The following GOLGA4 variants were observed in gnomAD, a reference collection of about 807,000 sequenced individuals.
GOLGA4 encodes the protein golgin A4.
GOLGA4 carries 169 observed loss-of-function variants against 265.9 expected under a neutral mutation model. The ratio of observed to expected loss-of-function variants is 0.64; its 90% CI spans 0.56 to 0.72. The LOEUF (loss-of-function observed/expected upper bound fraction) is 0.72, where lower values mean the gene tolerates loss of function less well. Ranked by LOEUF, GOLGA4 falls within the 30% of genes least tolerant of loss-of-function variation. The pLI is 0.00. For missense variants in GOLGA4, 2,482 were observed against 2,483.4 expected, an observed-to-expected ratio of 1.00 and a Z score of 0.01; for synonymous variants, 923 against 855.8, an observed-to-expected ratio of 1.08 and a Z score of -1.37.
At chr3:37,314,698 ACTC>A (rs1470730841) in intron 10 of GOLGA4, among the ~76,000 whole-genome samples, 1 of 148,374 alleles carries the variant, frequency 6.7e-6, no homozygotes, top group African/African-American at 2.5e-5. Context: ...AAACCTTACT[ACTC>A]TAGCCAAGAT....
intron 16 of GOLGA4, 47 bp downstream of exon 16, chr3:37,329,140 T>A (rs1380857877): frequency 2.0e-6 from 3 of 1,492,882 alleles, no homozygotes; most frequent in Non-Finnish European, 2.7e-6. Flanking sequence ...TTAGCTGTAA[T>A]AGATTTCATG....
chr3:37,343,383 A>C (rs1452588862), intron 20 of GOLGA4, among the ~76,000 whole-genome samples: 1 of 152,092 alleles, frequency 6.6e-6, no homozygotes, highest in Non-Finnish European at 1.5e-5. Context: ...GGCCTCCCAA[A>C]GTGCTGGGAT....
intron 1 of GOLGA4, among the ~76,000 whole-genome samples, chr3:37,245,685 C>T (rs1258328457): frequency 1.3e-5 from 2 of 152,062 alleles, no homozygotes; most frequent in East Asian, 3.9e-4. Flanking sequence ...TCTGGTGAGA[C>T]AGGGCATCTG....
At chr3:37,338,553 A>G (rs1425440198) in intron 19 of GOLGA4, among the ~76,000 whole-genome samples, 1 of 152,168 alleles carries the variant, frequency 6.6e-6, no homozygotes, top group Non-Finnish European at 1.5e-5. Context: ...CTAGCATAAC[A>G]GTTTTTGTAT....
intron 10 of GOLGA4, among the ~76,000 whole-genome samples, chr3:37,304,828 G>A (rs4452278): frequency 0.37 from 55,572 of 151,652 alleles, 10,733 homozygotes; most frequent in Non-Finnish European, 0.42. Context: ...CAAAACACAG[G>A]TATATTTTGT....
At chr3:37,313,081 T>C (rs1430401157) in intron 10 of GOLGA4, among the ~76,000 whole-genome samples, 1 of 152,090 alleles carries the variant, frequency 6.6e-6, no homozygotes, top group Non-Finnish European at 1.5e-5. Context: ...CGGGCACCTG[T>C]AGTCCCAGCT....
intron 2 of GOLGA4, chr3:37,273,567 A>T: frequency 6.6e-7 from 1 of 1,514,350 alleles, no homozygotes; most frequent in Non-Finnish European, 8.9e-7. Flanking sequence ...AAATCTCCTG[A>T]CAGTGTTAAT....
At chr3:37,292,184 G>T (rs1202738927) in intron 5 of GOLGA4, among the ~76,000 whole-genome samples, 1 of 151,974 alleles carries the variant, frequency 6.6e-6, no homozygotes, top group Non-Finnish European at 1.5e-5. Context: ...TTTTGTTTTG[G>T]TGGGCTGTTA....
chr3:37,290,224 C>T (rs954094107), intron 5 of GOLGA4, among the ~76,000 whole-genome samples: 21 of 152,104 alleles, frequency 1.4e-4, no homozygotes, highest in Middle Eastern at 3.4e-3. Flanking sequence ...AGAAGAAAAA[C>T]AAGGGAGTAT....
intron 2 of GOLGA4, among the ~76,000 whole-genome samples, chr3:37,254,096 T>C (rs534362758): frequency 1.3e-5 from 2 of 152,214 alleles, no homozygotes; most frequent in East Asian, 1.9e-4. Flanking sequence ...CAAACTAATA[T>C]ACTATAATGT....
intron 8 of GOLGA4, 120 bp downstream of exon 8, chr3:37,299,140 T>C: frequency 1.0e-6 from 1 of 973,880 alleles, no homozygotes; most frequent in Admixed American, 2.6e-5. Flanking sequence ...TTGTTTGCCC[T>C]GGCCTACATA....
chr3:37,332,975 C>T (rs1279888121), intron 16 of GOLGA4, among the ~76,000 whole-genome samples: 1 of 152,102 alleles, frequency 6.6e-6, no homozygotes. Flanking sequence ...TGAATCTGTC[C>T]TCTCCCTTAG....
chr3:37,345,841 G>A (rs548846684), intron 20 of GOLGA4, among the ~76,000 whole-genome samples: 1 of 152,030 alleles, frequency 6.6e-6, no homozygotes, highest in East Asian at 1.9e-4. Context: ...CAGCTGCTCG[G>A]TAGGCTGAGG....
chr3:37,287,127 G>C (rs895191527), intron 4 of GOLGA4, among the ~76,000 whole-genome samples: 1 of 152,214 alleles, frequency 6.6e-6, no homozygotes, highest in Non-Finnish European at 1.5e-5. Context: ...GATCACCTGA[G>C]GTCAGGAGTT....
At position 37,243,527 on chromosome 3, in the gene GOLGA4, T is replaced by C. The variant is rs2096708438; in HGVS notation, c.-24T>C. ...CTCGCCCTTCAGGTTTCGTTGACAC[T>C]CAGGACCGTACGTACGCTGCGCCAT... On this transcript the variant is annotated 5_prime_UTR_variant, in exon 1 of 24. Transcript: ENST00000361924. The C allele has an allele frequency of 6.2e-7, 1 of 1,611,818 alleles. No individual in the cohort carries two copies. The highest frequency in any genetic ancestry group is 8.5e-7 in the Non-Finnish European group (1 of 1,177,974).
intron 2 of GOLGA4, 58 bp from the exon 3 acceptor site, chr3:37,281,892 GATGGGGTA>G: frequency 9.6e-7 from 1 of 1,040,528 alleles, no homozygotes; most frequent in Non-Finnish European, 1.4e-6. Flanking sequence ...TATTGCTGGT[GATGGGGTA>G]ATGGAAGTCT....
chr3:37,310,737 T>TG lies in GOLGA4; in HGVS notation c.1235-4683_1235-4682insG, dbSNP rs57192998. ...TTTTAAAGTGTGTGTGTGTGTGTGT[T>TG]TTTTTTTTTAAATAAAAATTGCCTG... On this transcript the variant is annotated intron_variant, in intron 10 of 23. Coordinates refer to ENST00000361924, the MANE Select transcript of GOLGA4 (RefSeq NM_002078.5). 7.3e-3 allele frequency among the ~76,000 whole-genome samples: 1,072 copies of TG among 147,220 alleles called. 14 individuals carry two copies. Among genetic ancestry groups the TG allele is most frequent in the African/African-American group, 0.026 (1,003 of 38,718 alleles).
At chr3:37,327,924 G>A (rs2096977250) in intron 14 of GOLGA4, 99 bp downstream of exon 14, 1 of 973,906 alleles carries the variant, frequency 1.0e-6, no homozygotes, top group Non-Finnish European at 1.5e-6. Context: ...ATTTGGATAA[G>A]TTTCACCAAC....
chr3:37,305,904 A>G (rs9864980), intron 10 of GOLGA4, among the ~76,000 whole-genome samples: 4,009 of 152,258 alleles, frequency 0.026, 155 homozygotes, highest in African/African-American at 0.091. Context: ...GTTCCCCACT[A>G]CTTTTCTTGG....
Sources: allele counts gnomAD v4.1 joint callset (sites outside exome capture counted in the v4.1 genomes callset), GRCh38; gene constraint gnomAD v4.1.1; transcripts MANE v1.5; gene names NCBI Gene and HGNC (gene_info 2026-07-23, HGNC 2026-07-21).